The following C1QTNF6 variants were observed in gnomAD, a reference collection of about 807,000 sequenced individuals.
The protein encoded by C1QTNF6 is complement C1q tumor necrosis factor-related protein 6.
In C1QTNF6, 17 loss-of-function variants were observed where a neutral mutation model predicts 20.7. The ratio of observed to expected loss-of-function variants is 0.82; its 90% confidence interval spans 0.56 to 1.23. C1QTNF6 has a LOEUF of 1.23. Among genes scored for constraint, C1QTNF6 ranks in the 50% most tolerant of loss-of-function variants. The pLI is 0.00. For missense variants in C1QTNF6, 329 were observed against 389.7 expected, an observed-to-expected ratio of 0.84 and a Z score of 1.31; for synonymous variants, 130 against 156.3, an observed-to-expected ratio of 0.83 and a Z score of 1.25.
chr22:37,197,826 C>T (rs1925239241), upstream of C1QTNF6: 1 of 152,336 alleles, frequency 6.6e-6, no homozygotes, highest in Admixed American at 6.5e-5. Flanking sequence ...ACGATCTCCT[C>T]AGCTGGTCAG....
chr22:37,187,537 T>G (rs1372078152), intron 1 of C1QTNF6, among the ~76,000 whole-genome samples: 1 of 135,020 alleles, frequency 7.4e-6, no homozygotes, highest in Non-Finnish European at 1.6e-5. Flanking sequence ...TTGGAAGGAT[T>G]TCAATGCAGG....
chr22:37,190,064 T>C (rs1194245912), upstream of C1QTNF6, among the ~76,000 whole-genome samples: 1 of 152,200 alleles, frequency 6.6e-6, no homozygotes, highest in Non-Finnish European at 1.5e-5. Context: ...AAGAGATGAC[T>C]GTTTGGTTCA....
Position 37,182,365 on chromosome 22 carries a change from G to C in C1QTNF6, c.660C>G (p.Tyr220Ter). 1.9e-6 allele frequency: 3 copies of C among 1,614,240 alleles called. No individual in the cohort carries two copies. Among genetic ancestry groups the C allele is most frequent in the African/African-American group, 1.3e-5 (1 of 75,086 alleles). ...MHNQKEAVIL[Y>*]AQPSERSIMQ... ...TGATGCTGCGCTCGCTGGGCTGCGC[G>C]TACAGGATGACAGCCTCTTTCTGGT... Residue 220 changes from tyrosine (Y) to a stop codon, truncating the protein, a stop_gained, in exon 3 of 3, where the codon TAC becomes TAG. Transcript: ENST00000337843. LOFTEE classifies it high-confidence loss of function.
chr22:37,198,253 C>T (rs1179127621), upstream of C1QTNF6: 1 of 152,470 alleles, frequency 6.6e-6, no homozygotes, highest in African/African-American at 2.4e-5. Context: ...CCCAACCATT[C>T]TGTGGGCCTT....
chr22:37,183,213 G>A (rs757967989), intron 2 of C1QTNF6, among the ~76,000 whole-genome samples: 1 of 152,218 alleles, frequency 6.6e-6, no homozygotes, highest in Non-Finnish European at 1.5e-5. Context: ...CCCAGGTTAG[G>A]AGCCAGGAAG....
In C1QTNF6 at chr22:37,182,296, G is replaced by A. The variant is rs767660674; in HGVS notation, c.729C>T (p.Arg243=). The part of the protein sequence containing the change: ...SVMLDLAYGD[R]VWVRLFKRQR... ...GGCGCTTGAAGAGCCGCACCCAGAC[G>A]CGGTCCCCGTAGGCCAGGTCCAGCA... The change falls in exon 3 of 3, where the codon CGC becomes CGT. Residue 243 remains arginine (R), a synonymous_variant. Transcript: ENST00000337843. 1.1e-5 allele frequency: 18 copies of A among 1,614,072 alleles called. No individual in the cohort carries two copies. The highest frequency in any genetic ancestry group is 3.3e-5 in the Admixed American group (2 of 60,002).
chr22:37,181,852 G>C lies in C1QTNF6; in HGVS notation c.*336C>G. The stretch of plus-strand genomic sequence containing the variant: ...AACATATGAGAAACACAGAATCCTG[G>C]ACCCACTCAGACCTGCTGAGTCAGA... On this transcript the variant is annotated 3_prime_UTR_variant, in exon 3 of 3. Coordinates refer to ENST00000337843, the MANE Select transcript of C1QTNF6 (RefSeq NM_031910.4). The C allele has an allele frequency of 3.0e-6, 1 of 334,602 alleles. No individual in the cohort carries two copies. The highest frequency in any genetic ancestry group is 3.9e-5 in the South Asian group (1 of 25,822). 20.7% of individuals were successfully genotyped at this position (334,602 alleles called of 1,614,324 possible).
At chr22:37,185,860 C>T (rs1241025331) in intron 1 of C1QTNF6, 7 of 989,694 alleles carry the variant, frequency 7.1e-6, no homozygotes, top group African/African-American at 1.7e-5. Flanking sequence ...GATGCTTTCC[C>T]GCCCGCGCAC....
At chr22:37,195,155 G>C (rs1407131682) in intron 2 of C1QTNF6, among the ~76,000 whole-genome samples, 1 of 152,200 alleles carries the variant, frequency 6.6e-6, no homozygotes, top group Non-Finnish European at 1.5e-5. Flanking sequence ...AAAGAGAATA[G>C]TGGTTAATAT....
intron 1 of C1QTNF6, chr22:37,195,915 G>C (rs987130921): frequency 6.6e-6 from 1 of 152,122 alleles, no homozygotes; most frequent in Non-Finnish European, 1.5e-5. Context: ...TGTTTTGGCC[G>C]GCTTGTTTAG....
rs1371770563 is a variant in C1QTNF6, at chr22:37,184,211, G to A, written c.289+1007C>T. The A allele has an allele frequency of 1.6e-6, 1 of 637,078 alleles. No individual in the cohort carries two copies. The highest frequency in any genetic ancestry group is 2.9e-6 in the Non-Finnish European group (1 of 343,020). 39.5% of individuals were successfully genotyped at this position (637,078 alleles called of 1,614,324 possible). ...GCAGGCCAGGTGCCAGGTGACCACT[G>A]GCTGTGCAGTGAGTGTCCCCGGGGA... On this transcript the variant is annotated intron_variant, in intron 2 of 2. Coordinates refer to ENST00000337843, the MANE Select transcript of C1QTNF6 (RefSeq NM_031910.4). The surrounding 1 kb of genome is among the most constrained non-coding windows in gnomAD (Gnocchi z 4.0).
chr22:37,189,198 G>A (rs112326866), upstream of C1QTNF6, among the ~76,000 whole-genome samples: 1,504 of 152,272 alleles, frequency 9.9e-3, 10 homozygotes, highest in Non-Finnish European at 0.014. Flanking sequence ...GTTTTAGCAA[G>A]CTAACACATT....
chr22:37,198,668 C>G (rs924619619), upstream of C1QTNF6, among the ~76,000 whole-genome samples: 20 of 152,252 alleles, frequency 1.3e-4, no homozygotes, highest in African/African-American at 4.8e-4. Context: ...GCCCGGGAAC[C>G]CGGGACGCTC....
upstream of C1QTNF6, among the ~76,000 whole-genome samples, chr22:37,192,622 T>C (rs2145780208): frequency 6.6e-6 from 1 of 152,364 alleles, no homozygotes; most frequent in South Asian, 2.1e-4. Context: ...TTACTGATAA[T>C]CTTTAAAACT....
chr22:37,193,141 T>C (rs1401083905), upstream of C1QTNF6, among the ~76,000 whole-genome samples: 1 of 152,188 alleles, frequency 6.6e-6, no homozygotes, highest in Non-Finnish European at 1.5e-5. Context: ...AAACTGCCAT[T>C]AGCCATCCCT....
chr22:37,184,336 C>T lies in C1QTNF6; in HGVS notation c.289+882G>A. 1 of 716,880 alleles carries T rather than the reference C, an allele frequency of 1.4e-6. No homozygotes were observed. The highest frequency in any genetic ancestry group is 1.5e-5 in the South Asian group (1 of 67,600). 44.4% of individuals were successfully genotyped at this position (716,880 alleles called of 1,614,324 possible). On this transcript the variant is annotated intron_variant, in intron 2 of 2. Coordinates refer to ENST00000337843, the MANE Select transcript of C1QTNF6 (RefSeq NM_031910.4). This position sits in a 1 kb window ranked among gnomAD's most constrained non-coding sequence, Gnocchi z 4.0. ...AGTGGGAGGAATAAGAAAATATCGA[C>T]CTCACGGGCTGTTGTGGGCAGAGAC...
intron 1 of C1QTNF6, among the ~76,000 whole-genome samples, chr22:37,187,637 C>T (rs756369254): frequency 2.6e-5 from 4 of 151,676 alleles, no homozygotes; most frequent in Admixed American, 2.6e-4. Context: ...GGAAGGAGAA[C>T]TTCTCCCAGA....
At chr22:37,199,228 C>G (rs12167750), upstream of C1QTNF6, 3 of 152,398 alleles carry the variant, frequency 2.0e-5, no homozygotes, top group African/African-American at 7.2e-5. Flanking sequence ...CCACGCCAGG[C>G]TCGGGGAGCC....
upstream of C1QTNF6, among the ~76,000 whole-genome samples, chr22:37,192,497 C>G (rs903168815): frequency 6.6e-6 from 1 of 152,160 alleles, no homozygotes; most frequent in African/African-American, 2.4e-5. Context: ...AGCAGGTAAG[C>G]TGGGCAATTT....
Sources: gnomAD v4.1 joint callset for allele counts (sites outside exome capture counted in the v4.1 genomes callset) on GRCh38, gnomAD v4.1.1 for gene constraint, Gnocchi (gnomAD v3.1) non-coding constraint, MANE v1.5 for transcripts, NCBI Gene and HGNC (gene_info 2026-07-23, HGNC 2026-07-21) for gene names.